DYNC1I1: variants seen among roughly 807,000 people sequenced by gnomAD.
DYNC1I1 encodes the protein cytoplasmic dynein 1 intermediate chain 1.
Under a neutral mutation model 86.6 loss-of-function variants are expected in DYNC1I1, and 43 were observed. The ratio of observed to expected loss-of-function variants is 0.50; its 90% CI spans 0.39 to 0.64. The LOEUF (loss-of-function observed/expected upper bound fraction) is 0.64, where lower values mean the gene tolerates loss of function less well. DYNC1I1 is among the 30% of genes least tolerant of loss of function. DYNC1I1 has a pLI of 0.00. For synonymous variants in DYNC1I1, 262 were observed against 283.7 expected (o/e 0.92, Z 0.77); for missense variants, 604 against 788.8 (o/e 0.77, Z 2.81).
intron 4 of DYNC1I1, chr7:95,818,632 C>T (rs1000340542): frequency 5.8e-6 from 3 of 515,348 alleles, no homozygotes; most frequent in East Asian, 2.9e-5. Flanking sequence ...AGGCAGGACC[C>T]ATTGTGCCCA....
intron 10 of DYNC1I1, among the ~76,000 whole-genome samples, chr7:95,997,198 G>T (rs957730997): frequency 6.6e-6 from 1 of 151,664 alleles, no homozygotes; most frequent in South Asian, 2.1e-4. Flanking sequence ...AAATAAGAAC[G>T]GTTCTTTCTT....
At chr7:95,899,831 A>G (rs1287203318) in intron 6 of DYNC1I1, among the ~76,000 whole-genome samples, 1 of 152,180 alleles carries the variant, frequency 6.6e-6, no homozygotes, top group Non-Finnish European at 1.5e-5. Flanking sequence ...ATTCTTTTCT[A>G]TGAATATTCT....
chr7:96,047,975 A>G (rs1277276546), intron 14 of DYNC1I1, among the ~76,000 whole-genome samples: 13 of 152,212 alleles, frequency 8.5e-5, no homozygotes, highest in Non-Finnish European at 2.9e-5. Flanking sequence ...GCAAGACTAA[A>G]AAAAGGCTTA....
At chr7:95,993,599 T>TAGGCTTTCTTAATAG (rs1793784054) in intron 9 of DYNC1I1, among the ~76,000 whole-genome samples, 1 of 152,198 alleles carries the variant, frequency 6.6e-6, no homozygotes, top group Non-Finnish European at 1.5e-5. Flanking sequence ...CTTTGATTCA[T>TAGGCTTTCTTAATAG]CCGCTGCAGA....
At chr7:95,975,021 G>A (rs1280665214) in intron 6 of DYNC1I1, among the ~76,000 whole-genome samples, 1 of 152,198 alleles carries the variant, frequency 6.6e-6, no homozygotes, top group African/African-American at 2.4e-5. Flanking sequence ...GGCAGAGCCA[G>A]ACAGAACTTG....
chr7:95,789,236 A>G (rs565330905), intron 1 of DYNC1I1, among the ~76,000 whole-genome samples: 1 of 152,328 alleles, frequency 6.6e-6, no homozygotes, highest in African/African-American at 2.4e-5. Context: ...AGCTTTTCAG[A>G]TGGGTATTTG....
At chr7:95,835,593 A>T (rs922204492) in intron 5 of DYNC1I1, among the ~76,000 whole-genome samples, 4 of 151,700 alleles carry the variant, frequency 2.6e-5, no homozygotes, top group East Asian at 3.9e-4. Flanking sequence ...CCCATTATTA[A>T]TGTGTGGGAG....
intron 1 of DYNC1I1, among the ~76,000 whole-genome samples, chr7:95,776,728 T>C (rs1206425109): frequency 6.6e-6 from 1 of 152,168 alleles, no homozygotes; most frequent in African/African-American, 2.4e-5. Context: ...GTGGCAGGTA[T>C]AGCAAACATC....
intron 3 of DYNC1I1, among the ~76,000 whole-genome samples, chr7:95,811,284 G>T (rs983827942): frequency 6.6e-6 from 1 of 151,788 alleles, no homozygotes; most frequent in East Asian, 1.9e-4. Context: ...ATTAATCCTA[G>T]GGTGTCTATA....
chr7:95,817,371 A>G (rs1174046606), intron 4 of DYNC1I1, among the ~76,000 whole-genome samples: 1 of 152,134 alleles, frequency 6.6e-6, no homozygotes, highest in African/African-American at 2.4e-5. Context: ...GGTTGATTCA[A>G]GTTTCCACAA....
At chr7:95,938,176 C>G (rs1037463614) in intron 6 of DYNC1I1, among the ~76,000 whole-genome samples, 2 of 152,180 alleles carry the variant, frequency 1.3e-5, no homozygotes, top group African/African-American at 4.8e-5. Context: ...CCCAGAAGGG[C>G]AAGGAGCATT....
At chr7:95,869,791 G>A (rs1239289541) in intron 5 of DYNC1I1, 92 bp from the exon 6 acceptor site, 4 of 1,226,220 alleles carry the variant, frequency 3.3e-6, no homozygotes, top group Non-Finnish European at 4.7e-6. Flanking sequence ...GGTATTTGTG[G>A]TTTGTTTGTT....
At chr7:95,897,322 G>A (rs1043752803) in intron 6 of DYNC1I1, among the ~76,000 whole-genome samples, 42 of 148,406 alleles carry the variant, frequency 2.8e-4, no homozygotes, top group African/African-American at 1.0e-3. Context: ...TGTCTAGAGT[G>A]ACTCTGAGTT....
chr7:95,832,370 G>C (rs916349073), intron 5 of DYNC1I1, among the ~76,000 whole-genome samples: 1 of 151,568 alleles, frequency 6.6e-6, no homozygotes, highest in South Asian at 2.1e-4. Flanking sequence ...GTCTAACATT[G>C]TTGAACATTT....
intron 2 of DYNC1I1, among the ~76,000 whole-genome samples, chr7:95,809,028 A>T (rs1794767030): frequency 1.3e-5 from 2 of 152,164 alleles, no homozygotes; most frequent in Admixed American, 1.3e-4. Flanking sequence ...CTGATAAGAG[A>T]TTAAACTGCC....
At chr7:95,888,352 G>A (rs924285754) in intron 6 of DYNC1I1, among the ~76,000 whole-genome samples, 4 of 152,148 alleles carry the variant, frequency 2.6e-5, no homozygotes, top group East Asian at 1.9e-4. Context: ...TGGGAGGATC[G>A]CTTGAGCCCA....
intron 10 of DYNC1I1, among the ~76,000 whole-genome samples, chr7:96,011,854 G>A (rs147154986): frequency 5.9e-5 from 9 of 152,246 alleles, no homozygotes; most frequent in African/African-American, 1.4e-4. Flanking sequence ...ATAGATTGGC[G>A]TGTCTTTCTG....
chr7:95,812,267 T>G (rs1196347276), intron 3 of DYNC1I1, among the ~76,000 whole-genome samples: 1 of 152,168 alleles, frequency 6.6e-6, no homozygotes, highest in African/African-American at 2.4e-5. Flanking sequence ...GTACTGAAAT[T>G]TCTTTCTATC....
intron 6 of DYNC1I1, among the ~76,000 whole-genome samples, chr7:95,936,362 G>GTAGCTATAA: frequency 6.6e-6 from 1 of 152,046 alleles, no homozygotes; most frequent in East Asian, 1.9e-4. Context: ...CACAAGTAGA[G>GTAGCTATAA]TAGCTATAAT....
Sources: gnomAD v4.1 joint callset for allele counts (sites outside exome capture counted in the v4.1 genomes callset) on GRCh38, gnomAD v4.1.1 for gene constraint, MANE v1.5 for transcripts, NCBI Gene and HGNC (gene_info 2026-07-23, HGNC 2026-07-21) for gene names.